Variants in WDR75 observed in about 807,000 individuals in gnomAD.
WDR75 encodes WD repeat-containing protein 75.
WDR75 carries 52 observed loss-of-function variants against 106.1 expected under a neutral mutation model. The ratio of observed to expected loss-of-function variants is 0.49; its 90% CI spans 0.39 to 0.62. WDR75 has a LOEUF of 0.62. Among genes scored for constraint, WDR75 ranks in the 20% least tolerant of loss-of-function variants. WDR75 has a pLI of 0.00. For missense variants in WDR75, 905 were observed against 970.3 expected (o/e 0.93, Z 0.89); for synonymous variants, 333 against 335.5 (o/e 0.99, Z 0.08).
chr2:189,450,356 T>C (rs180899778), intron 2 of WDR75: 1 of 909,092 alleles, frequency 1.1e-6, no homozygotes. Context: ...TGTTTTGTTT[T>C]GTTTGGTTTT....
intron 8 of WDR75, among the ~76,000 whole-genome samples, chr2:189,460,222 A>G (rs981947060): frequency 3.3e-5 from 5 of 152,180 alleles, no homozygotes; most frequent in African/African-American, 1.2e-4. Flanking sequence ...GAAGCCAGGA[A>G]AAGTGATTTT....
rs751162375 is a variant in WDR75, at chr2:189,455,378, C to T, written c.432C>T (p.Ala144=). The T allele has an allele frequency of 1.6e-5, 26 of 1,614,124 alleles. 1 individual carries two copies. In the South Asian group the frequency reaches 2.7e-4, roughly 17 times the overall value. The change falls in exon 5 of 21, where the codon GCC becomes GCT. Residue 144 remains alanine, a synonymous_variant. Coordinates refer to ENST00000314761, the MANE Select transcript of WDR75 (RefSeq NM_032168.3). ...LPKSSSQEVE[A]KELSFVLDYI... ...AATCCTCAAGCCAGGAAGTAGAAGC[C>T]AAGGAGCTGTCCTTTGTTTTGGATT... is the stretch of plus-strand genomic sequence containing the variant.
At chr2:189,459,053 T>G (rs1686805335) in intron 7 of WDR75, among the ~76,000 whole-genome samples, 181 bp downstream of exon 7, 1 of 152,228 alleles carries the variant, frequency 6.6e-6, no homozygotes, top group South Asian at 2.1e-4. Flanking sequence ...TGAAACATTT[T>G]TTGTTGCCTG....
chr2:189,454,465 C>G (rs548047773), intron 4 of WDR75, among the ~76,000 whole-genome samples: 10 of 152,128 alleles, frequency 6.6e-5, no homozygotes, highest in Non-Finnish European at 1.3e-4. Flanking sequence ...ATTTTAAAAC[C>G]CAGCTTAATA....
At position 189,470,825 on chromosome 2, in the gene WDR75, T is replaced by C. The variant is rs1687102981; in HGVS notation, c.1996T>C (p.Leu666=). 1.9e-6 allele frequency: 3 copies of C among 1,590,568 alleles called. No individual in the cohort carries two copies. The highest frequency in any genetic ancestry group is 1.4e-5 in the African/African-American group (1 of 73,904). ...ATTAATTCTCTCTTTTCAGAGTTTA[T>C]TGACATTCAGTACAAAGTCTCCAGA... is the stretch of plus-strand genomic sequence containing the variant. ...FYFLTKSQSL[L]TFSTKSPEEK... The change falls in exon 18 of 21, where the codon TTG becomes CTG. Residue 666 remains leucine (L), a synonymous_variant. Coordinates refer to ENST00000314761, the MANE Select transcript of WDR75 (RefSeq NM_032168.3).
chr2:189,465,258 A>G lies in WDR75; in HGVS notation c.1289+4A>G. On this transcript the variant is annotated splice_donor_region_variant and intron_variant, in intron 12 of 20. Coordinates refer to ENST00000314761, the MANE Select transcript of WDR75 (RefSeq NM_032168.3). Reference sequence around the variant, plus strand: ...TGTATAATAAGAAAACACAAGGGTAATACTATCTGTGTAGCCACTTAATTT... The same window carrying G: ...TGTATAATAAGAAAACACAAGGGTAGTACTATCTGTGTAGCCACTTAATTT... The G allele has an allele frequency of 1.2e-6, 2 of 1,600,842 alleles. No homozygotes were observed. The highest frequency in any genetic ancestry group is 2.2e-5 in the East Asian group (1 of 44,672).
At position 189,468,763 on chromosome 2, in the gene WDR75, G is replaced by A. The variant is rs1687056514; in HGVS notation, c.1723+194G>A. ...GACATTATTTATTAACTGCTTAATT[G>A]TTGGTACGTCAGCTTCCATTATCCT... On this transcript the variant is annotated intron_variant, in intron 15 of 20. Transcript: ENST00000314761. Among the ~76,000 whole-genome samples, 3 of 152,114 alleles carry A rather than the reference G, an allele frequency of 2.0e-5. No homozygotes were observed. In the South Asian group the frequency reaches 6.2e-4, roughly 31 times the overall value.
intron 18 of WDR75, among the ~76,000 whole-genome samples, chr2:189,472,182 A>G (rs1687131261): frequency 6.6e-6 from 1 of 152,232 alleles, no homozygotes; most frequent in African/African-American, 2.4e-5. Flanking sequence ...AGATAGAGAC[A>G]GTAAACAACA....
intron 11 of WDR75, among the ~76,000 whole-genome samples, chr2:189,464,488 C>T (rs547198421): frequency 6.7e-6 from 1 of 150,324 alleles, no homozygotes; most frequent in East Asian, 1.9e-4. Flanking sequence ...GCCTTTAGAC[C>T]CCTCAAAAAA....
chr2:189,460,486 T>G (rs999523211), intron 8 of WDR75, among the ~76,000 whole-genome samples: 4 of 152,020 alleles, frequency 2.6e-5, no homozygotes, highest in Admixed American at 2.6e-4. Flanking sequence ...CATATGTATG[T>G]GTCTGTATAT....
chr2:189,450,057 A>C (rs969981731), intron 2 of WDR75: 1 of 981,324 alleles, frequency 1.0e-6, no homozygotes, highest in Non-Finnish European at 1.2e-6. Context: ...TATGGTCCAC[A>C]GACCAGTGTC....
chr2:189,463,878 C>T lies in WDR75; in HGVS notation c.1030C>T (p.Pro344Ser), dbSNP rs773782691. ...RSIFTGLMIDPRTKALVLNGK... is the reference protein window; with the variant it reads ...RSIFTGLMIDSRTKALVLNGK... ...TATCTTCACTGGTTTGATGATTGATCCAAGAACTAAAGCTTTGGTTTTGAA... is the reference window on the plus strand; with the variant it reads ...TATCTTCACTGGTTTGATGATTGATTCAAGAACTAAAGCTTTGGTTTTGAA... The change falls in exon 11 of 21, where the codon CCA (proline) becomes TCA (serine). Residue 344 changes from proline to serine, a missense_variant. Transcript: ENST00000314761. The T allele has an allele frequency of 2.0e-5, 32 of 1,613,728 alleles. 1 individual carries two copies. The highest frequency in any genetic ancestry group is 1.9e-4 in the South Asian group (17 of 91,082).
At chr2:189,453,030 G>C (rs1392399307) in intron 4 of WDR75, among the ~76,000 whole-genome samples, 1 of 152,182 alleles carries the variant, frequency 6.6e-6, no homozygotes. Context: ...TAAGTTAGAT[G>C]TGGTGGCTAC....
Position 189,448,399 on chromosome 2 carries a change from G to A in WDR75, c.107G>A (p.Gly36Glu). 1.9e-6 allele frequency: 3 copies of A among 1,613,330 alleles called. No homozygotes were observed. The highest frequency in any genetic ancestry group is 1.7e-4 in the Middle Eastern group (1 of 6,056). ...ADSKYIFCVS[G>E]DFVKVYSTVT... is the part of the protein sequence containing the mutation. ...TCCAGGTATATCTTCTGTGTCTCTG[G>A]AGACTTTGTTAAAGTTTACAGCACA... Residue 36 changes from glycine (G) to glutamate (E), a missense_variant, in exon 2 of 21, where the codon GGA (glycine) becomes GAA (glutamate). Coordinates refer to ENST00000314761, the MANE Select transcript of WDR75 (RefSeq NM_032168.3).
intron 3 of WDR75, among the ~76,000 whole-genome samples, 187 bp from the exon 4 acceptor site, chr2:189,451,618 A>T (rs534670256): frequency 2.6e-5 from 4 of 152,210 alleles, no homozygotes; most frequent in Non-Finnish European, 5.9e-5. Context: ...ACCATTTCAG[A>T]TCTATATGTA....
chr2:189,450,116 A>G (rs1198612197), intron 2 of WDR75: 1 of 956,348 alleles, frequency 1.0e-6, no homozygotes, highest in Non-Finnish European at 1.2e-6. Context: ...TGTGAGTGTC[A>G]CAAAACACTT....
Position 189,466,417 on chromosome 2 carries a change from C to T in WDR75, c.1290-8C>T, listed in dbSNP as rs780718201. On this transcript the variant is annotated splice_polypyrimidine_tract_variant and splice_region_variant and intron_variant, in intron 12 of 20. Coordinates refer to ENST00000314761, the MANE Select transcript of WDR75 (RefSeq NM_032168.3). ...GCAAGAATAAATTTGTGGTTTCCTT[C>T]CCGCTAGGTTTATTCTTAACACTAA... 5.0e-6 allele frequency: 8 copies of T among 1,610,558 alleles called. No individual in the cohort carries two copies. Among genetic ancestry groups the T allele is most frequent in the Non-Finnish European group, 6.8e-6 (8 of 1,178,454 alleles).
intron 9 of WDR75, among the ~76,000 whole-genome samples, 175 bp from the exon 10 acceptor site, chr2:189,463,519 A>T (rs1686941816): frequency 1.3e-5 from 2 of 152,274 alleles, no homozygotes; most frequent in Non-Finnish European, 1.5e-5. Context: ...TGGGCCAGAC[A>T]TAAAATATAC....
chr2:189,464,545 G>C (rs978864191), intron 11 of WDR75, among the ~76,000 whole-genome samples: 1 of 152,094 alleles, frequency 6.6e-6, no homozygotes, highest in Non-Finnish European at 1.5e-5. Flanking sequence ...TATAATGCCT[G>C]TAAATTGTAG....
Sources: gnomAD v4.1 joint callset for allele counts (sites outside exome capture counted in the v4.1 genomes callset) on GRCh38, gnomAD v4.1.1 for gene constraint, MANE v1.5 for transcripts, NCBI Gene and HGNC (gene_info 2026-07-23, HGNC 2026-07-21) for gene names.